MCF2: variants seen among roughly 807,000 people sequenced by gnomAD.
MCF2 encodes proto-oncogene DBL.
Under a neutral mutation model 82.5 loss-of-function variants are expected in MCF2, and 44 were observed. That is an observed-to-expected ratio of 0.53 (90% CI 0.42 to 0.69). The LOEUF (loss-of-function observed/expected upper bound fraction) is 0.69. MCF2 is among the 30% of genes least tolerant of loss of function. The probability of loss-of-function intolerance (pLI) is 0.00; values close to 1 mark genes in which losing one functional copy is unlikely to be tolerated. For synonymous variants in MCF2, 217 were observed against 224.9 expected, an observed-to-expected ratio of 0.96 and a Z score of 0.32; for missense variants, 623 against 663.1, an observed-to-expected ratio of 0.94 and a Z score of 0.66.
exon 25 of MCF2, chrX:139,582,324 A>C: frequency 3.6e-6 from 2 of 551,761 alleles, no homozygotes; most frequent in South Asian, 5.1e-5. Context: ...AAAGAAAAGA[A>C]GTATGTGCTG....
chrX:139,658,750 T>C (rs1442251163), intron 1 of MCF2, among the ~76,000 whole-genome samples: 3 of 102,649 alleles, frequency 2.9e-5, no homozygotes, highest in African/African-American at 7.2e-5. Flanking sequence ...TCTTGGCTCA[T>C]TGCAACCTCC....
intron 12 of MCF2, among the ~76,000 whole-genome samples, chrX:139,606,765 A>G (rs1184607995): frequency 1.8e-5 from 2 of 111,584 alleles, no homozygotes. Flanking sequence ...CCTTGTCCCC[A>G]GTATAAGTAA....
At chrX:139,665,281 G>A (rs1934477290) in intron 1 of MCF2, among the ~76,000 whole-genome samples, 1 of 111,310 alleles carries the variant, frequency 9.0e-6, no homozygotes, top group African/African-American at 3.3e-5. Flanking sequence ...GCCTTTCAAG[G>A]TTATTGAGGG....
At chrX:139,632,151 T>C (rs1421920845) in intron 2 of MCF2, among the ~76,000 whole-genome samples, 184 bp downstream of exon 5, 1 of 111,364 alleles carries the variant, frequency 9.0e-6, no homozygotes, top group South Asian at 3.7e-4. Flanking sequence ...TATAAATTGA[T>C]GAATCGATTT....
At chrX:139,691,946 G>A in intron 1 of MCF2, 1 of 1,166,694 alleles carries the variant, frequency 8.6e-7, no homozygotes, top group Non-Finnish European at 1.1e-6. Context: ...GGAGGCAGAG[G>A]TAGTTCTTCC....
intron 2 of MCF2, among the ~76,000 whole-genome samples, chrX:139,649,146 C>A (rs1159340052): frequency 8.9e-6 from 1 of 112,177 alleles, no homozygotes; most frequent in Non-Finnish European, 1.9e-5. Flanking sequence ...TTATTTGCCT[C>A]AATATTTACC....
chrX:139,618,037 C>T lies in MCF2; in HGVS notation c.808-333G>A, dbSNP rs1458968757. ...AATATGTGTGGATTTAGAATAGAACCACCTATATTAAATGAGGTATACACA... is the reference window on the plus strand; with the variant it reads ...AATATGTGTGGATTTAGAATAGAACTACCTATATTAAATGAGGTATACACA... On this transcript the variant is annotated intron_variant, in intron 7 of 24. Coordinates refer to ENST00000370576, the Ensembl canonical transcript of MCF2. 5.4e-5 allele frequency among the ~76,000 whole-genome samples: 6 copies of T among 110,558 alleles called. No homozygotes were observed. The East Asian group carries it at 1.7e-3, about 32-fold the overall frequency.
chrX:139,585,962 C>A (rs964927632), intron 23 of MCF2, among the ~76,000 whole-genome samples: 1 of 112,009 alleles, frequency 8.9e-6, no homozygotes, highest in Non-Finnish European at 1.9e-5. Context: ...AAGTGAAATG[C>A]GCATTCCTTG....
At chrX:139,707,947 T>C (rs183338658) in intron 1 of MCF2, among the ~76,000 whole-genome samples, 159 bp downstream of exon 1, 41 of 111,667 alleles carry the variant, frequency 3.7e-4, no homozygotes, top group African/African-American at 1.2e-3. Flanking sequence ...CTGCAAATCA[T>C]TGGTCCTAGA....
chrX:139,697,497 G>A (rs1359960640), intron 1 of MCF2, among the ~76,000 whole-genome samples: 3 of 111,852 alleles, frequency 2.7e-5, no homozygotes, highest in African/African-American at 3.3e-5. Flanking sequence ...AAACTAATAC[G>A]TTATGATGAA....
At chrX:139,699,290 T>C (rs1603311198) in intron 1 of MCF2, among the ~76,000 whole-genome samples, 1 of 112,378 alleles carries the variant, frequency 8.9e-6, no homozygotes, top group East Asian at 2.8e-4. Flanking sequence ...GCAATTACTG[T>C]ATCAATTTTA....
intron 19 of MCF2, among the ~76,000 whole-genome samples, chrX:139,595,624 GC>G (rs1205978466): frequency 1.9e-5 from 2 of 105,583 alleles, no homozygotes; most frequent in East Asian, 6.1e-4. Context: ...TATACCTAAT[GC>G]TAAATGATGA....
At chrX:139,671,594 T>C (rs1039948192) in intron 1 of MCF2, among the ~76,000 whole-genome samples, 5 of 111,847 alleles carry the variant, frequency 4.5e-5, no homozygotes, top group Non-Finnish European at 9.4e-5. Context: ...TTCTTGTTTT[T>C]GTCAGGTTTG....
At position 139,596,502 on chromosome X, in the gene MCF2, A is replaced by G. The variant is rs1309592515; in HGVS notation, c.2277+47T>C. 3 of 993,126 alleles carry G rather than the reference A, an allele frequency of 3.0e-6. No homozygotes were observed. In the South Asian group the frequency reaches 5.9e-5, roughly 20 times the overall value. 81.8% of individuals were successfully genotyped at this position (993,126 alleles called of 1,213,427 possible). Reference sequence around the variant, plus strand: ...AAAAAAAATGTACAAACTGGGAGACACACACACACGAAACAATACTACATT... The same window carrying G: ...AAAAAAAATGTACAAACTGGGAGACGCACACACACGAAACAATACTACATT... On this transcript the variant is annotated intron_variant, in intron 19 of 24. Coordinates refer to ENST00000370576, the Ensembl canonical transcript of MCF2.
At chrX:139,620,819 C>T (rs187262619) in intron 6 of MCF2, among the ~76,000 whole-genome samples, 1 of 111,725 alleles carries the variant, frequency 9.0e-6, no homozygotes, top group East Asian at 2.8e-4. Context: ...CAATGTTATT[C>T]CTATCAAACT....
At chrX:139,677,780 G>A (rs1205312699) in intron 1 of MCF2, among the ~76,000 whole-genome samples, 1 of 111,941 alleles carries the variant, frequency 8.9e-6, no homozygotes, top group African/African-American at 3.2e-5. Flanking sequence ...AAAACATGGA[G>A]GAGCTCCCCT....
chrX:139,643,956 T>A (rs1441861772), upstream of MCF2, among the ~76,000 whole-genome samples: 4 of 111,774 alleles, frequency 3.6e-5, no homozygotes, highest in Non-Finnish European at 7.5e-5. Flanking sequence ...TAAAAAATGT[T>A]CTAATGTAAC....
chrX:139,679,816 A>G (rs1225832570), intron 1 of MCF2, among the ~76,000 whole-genome samples: 1 of 111,060 alleles, frequency 9.0e-6, no homozygotes, highest in Non-Finnish European at 1.9e-5. Flanking sequence ...CCACCTCTTC[A>G]GGTCCTGACT....
intron 1 of MCF2, among the ~76,000 whole-genome samples, chrX:139,641,934 T>G (rs1452102130): frequency 2.7e-5 from 3 of 111,553 alleles, no homozygotes; most frequent in Admixed American, 9.6e-5. Context: ...GGTGACAATT[T>G]TGTACCTACG....
Sources: gnomAD v4.1 joint callset for allele counts (sites outside exome capture counted in the v4.1 genomes callset) on GRCh38, gnomAD v4.1.1 for gene constraint, MANE v1.5 for transcripts, NCBI Gene and HGNC (gene_info 2026-07-23, HGNC 2026-07-21) for gene names.